DYM: variants seen among roughly 807,000 people sequenced by gnomAD.
DYM encodes dymeclin, also known as dyggve-Melchior-Clausen syndrome protein.
Under a neutral mutation model 93.1 loss-of-function variants are expected in DYM, and 78 were observed. The ratio of observed to expected loss-of-function variants is 0.84; its 90% CI spans 0.70 to 1.01. DYM has a LOEUF of 1.01. Among genes scored for constraint, DYM ranks in the 50% least tolerant of loss-of-function variants. DYM has a pLI of 0.00. For synonymous variants in DYM, 321 were observed against 319.7 expected (o/e 1.00, Z -0.04); for missense variants, 789 against 845.0 (o/e 0.93, Z 0.82).
Position 49,351,723 on chromosome 18 carries a change from A to C in DYM, c.494+11438T>G, listed in dbSNP as rs911370321. Among the ~76,000 whole-genome samples, 7 of 152,362 alleles carry C rather than the reference A, an allele frequency of 4.6e-5. No individual in the cohort carries two copies. In the Middle Eastern group the frequency reaches 0.01, roughly 222 times the overall value. On this transcript the variant is annotated intron_variant, in intron 6 of 17. Coordinates refer to ENST00000675505, the MANE Select transcript of DYM (RefSeq NM_001353214.3). Reference sequence around the variant, plus strand: ...TACTGATTATCAGAAACTCATAACTAGCCTACCTATCATTCAAAGGTAGAC... The same window carrying C: ...TACTGATTATCAGAAACTCATAACTCGCCTACCTATCATTCAAAGGTAGAC...
intron 10 of DYM, among the ~76,000 whole-genome samples, chr18:49,278,785 C>T (rs2094906018): frequency 6.6e-6 from 1 of 152,078 alleles, no homozygotes; most frequent in Non-Finnish European, 1.5e-5. Flanking sequence ...GCCTGGATAA[C>T]ATCATTCAGC....
At chr18:49,163,446 AG>A (rs1229719740) in intron 15 of DYM, among the ~76,000 whole-genome samples, 14 of 152,252 alleles carry the variant, frequency 9.2e-5, no homozygotes, top group African/African-American at 3.4e-4. Context: ...CCCGGATTCA[AG>A]TGATTCTCCT....
intron 1 of DYM, among the ~76,000 whole-genome samples, chr18:49,441,281 T>TATATATATATAC (rs1450923847): frequency 7.7e-5 from 3 of 39,010 alleles, no homozygotes; most frequent in Non-Finnish European, 1.2e-4. Flanking sequence ...ATATATTATA[T>TATATATATATAC]AATTATATAT....
At chr18:49,387,891 T>G (rs544898455) in intron 3 of DYM, among the ~76,000 whole-genome samples, 1 of 152,106 alleles carries the variant, frequency 6.6e-6, no homozygotes, top group Non-Finnish European at 1.5e-5. Flanking sequence ...CATACTAAAA[T>G]AAGATAATAA....
At chr18:49,316,963 G>A (rs77854142) in intron 8 of DYM, among the ~76,000 whole-genome samples, 3 of 152,278 alleles carry the variant, frequency 2.0e-5, no homozygotes, top group Non-Finnish European at 4.4e-5. Flanking sequence ...ATCTGTAGAA[G>A]GACATCTTGG....
At position 49,118,799 on chromosome 18, in the gene DYM, A is replaced by C; in HGVS notation, c.1856T>G (p.Phe619Cys). The C allele has an allele frequency of 1.2e-6, 2 of 1,614,126 alleles. No homozygotes were observed. Among genetic ancestry groups the C allele is most frequent in the Non-Finnish European group, 1.7e-6 (2 of 1,179,978 alleles). Reference sequence around the variant, plus strand: ...TGAAGGATGAGTTCGAAATTGTTCAAAGAGATCGCGTTTGTAAAGCAGGGC... The same window carrying C: ...TGAAGGATGAGTTCGAAATTGTTCACAGAGATCGCGTTTGTAAAGCAGGGC... ...VYALLYKRDL[F>C]EQFRTHPSFQ... Residue 619 changes from phenylalanine (F) to cysteine (C), a missense_variant, in exon 16 of 18, where the codon TTT becomes TGT. Phe to Cys is a radical substitution (Grantham distance 205). This residue lies in a region of DYM where 225 missense variants were observed against 303.0 expected (regional missense o/e 0.74). Coordinates refer to ENST00000675505, the MANE Select transcript of DYM (RefSeq NM_001353214.3).
At chr18:49,361,523 A>ATGTAAT (rs2066017203) in intron 6 of DYM, among the ~76,000 whole-genome samples, 1 of 152,074 alleles carries the variant, frequency 6.6e-6, no homozygotes, top group African/African-American at 2.4e-5. Flanking sequence ...TCAACAGGAG[A>ATGTAAT]TGTAAATTGG....
intron 2 of DYM, among the ~76,000 whole-genome samples, chr18:49,398,013 A>G (rs2070323771): frequency 6.6e-6 from 1 of 152,196 alleles, no homozygotes; most frequent in African/African-American, 2.4e-5. Context: ...GTCATGCATA[A>G]AAATCATATA....
At chr18:49,156,534 C>A (rs1009090354) in intron 15 of DYM, among the ~76,000 whole-genome samples, 1 of 151,948 alleles carries the variant, frequency 6.6e-6, no homozygotes, top group Admixed American at 6.6e-5. Context: ...GAGTTCGAGA[C>A]CAGCCTGGCC....
intron 8 of DYM, among the ~76,000 whole-genome samples, chr18:49,321,787 C>T (rs902339030): frequency 5.9e-5 from 9 of 151,942 alleles, no homozygotes; most frequent in Middle Eastern, 3.4e-3. Flanking sequence ...TCTGTGAGCA[C>T]GTAAAATCTC....
chr18:49,315,860 A>C (rs1270229503), intron 8 of DYM, among the ~76,000 whole-genome samples: 1 of 152,246 alleles, frequency 6.6e-6, no homozygotes, highest in Non-Finnish European at 1.5e-5. Context: ...TTGTTACTGA[A>C]TTAGAGAAAA....
chr18:49,441,301 A>ATATAT (rs1286936303), intron 1 of DYM, among the ~76,000 whole-genome samples: 11 of 42,190 alleles, frequency 2.6e-4, no homozygotes, highest in South Asian at 2.0e-3. Context: ...TAATATAATT[A>ATATAT]TATATAATTA....
intron 15 of DYM, among the ~76,000 whole-genome samples, chr18:49,134,236 C>T (rs184792620): frequency 7.9e-5 from 12 of 152,080 alleles, no homozygotes; most frequent in African/African-American, 2.9e-4. Flanking sequence ...CCAATTAGCC[C>T]CAATGATCCA....
intron 16 of DYM, among the ~76,000 whole-genome samples, chr18:49,108,975 A>T (rs2081143178): frequency 6.6e-6 from 1 of 151,350 alleles, no homozygotes; most frequent in Non-Finnish European, 1.5e-5. Context: ...ATCCCTGGTA[A>T]TGCTCCCTGT....
At chr18:49,328,484 A>C (rs2849477) in intron 8 of DYM, among the ~76,000 whole-genome samples, 2 of 152,030 alleles carry the variant, frequency 1.3e-5, no homozygotes, top group African/African-American at 4.8e-5. Context: ...ACTACCATCA[A>C]AGTGAACAGA....
chr18:49,223,522 AT>A (rs1459100139), intron 13 of DYM, among the ~76,000 whole-genome samples: 1 of 152,062 alleles, frequency 6.6e-6, no homozygotes, highest in Non-Finnish European at 1.5e-5. Context: ...AAATAAACAT[AT>A]TTTTTTCAAA....
At chr18:49,258,347 C>CA (rs1471973193) in intron 12 of DYM, 33 bp downstream of exon 12, 11 of 1,442,314 alleles carry the variant, frequency 7.6e-6, no homozygotes, top group Non-Finnish European at 1.1e-5. Context: ...GTACTGTATG[C>CA]AAAAAAGATA....
At chr18:49,391,781 T>G (rs1240785820) in intron 2 of DYM, 136 bp from the exon 3 acceptor site, 1 of 647,282 alleles carries the variant, frequency 1.5e-6, no homozygotes, top group Non-Finnish European at 2.5e-6. Flanking sequence ...AACAATAAGA[T>G]CAGCAAAAAA....
chr18:49,206,003 G>GGTTTTTTTTTTTTTTTTTTTT, intron 14 of DYM: 1 of 142,310 alleles, frequency 7.0e-6, no homozygotes, highest in Non-Finnish European at 1.4e-5. Context: ...TTTTTTTTTT[G>GGTTTTTTTTTTTTTTTTTTTT]TTTTTTTGTT....
Sources: gnomAD v4.1 joint callset for allele counts (sites outside exome capture counted in the v4.1 genomes callset) on GRCh38, gnomAD v4.1.1 for gene constraint, gnomAD v4.1.1 regional missense constraint, MANE v1.5 for transcripts, NCBI Gene and HGNC (gene_info 2026-07-23, HGNC 2026-07-21) for gene names.